RORB: variants seen among roughly 807,000 people sequenced by gnomAD.
RORB encodes nuclear receptor ROR-beta.
RORB carries 6 observed loss-of-function variants against 59.1 expected under a neutral mutation model. The observed-to-expected ratio is 0.10, with a 90% CI of 0.06 to 0.20. The LOEUF (loss-of-function observed/expected upper bound fraction) is 0.20, where lower values mean the gene tolerates loss of function less well. Ranked by LOEUF, RORB falls within the 10% of genes least tolerant of loss-of-function variation. The probability of loss-of-function intolerance (pLI) is 1.00; values close to 1 mark genes in which losing one functional copy is unlikely to be tolerated. For missense variants in RORB, 320 were observed against 560.5 expected (o/e 0.57, Z 4.33); for synonymous variants, 215 against 204.5 (o/e 1.05, Z -0.44).
At chr9:74,662,694 C>T in intron 6 of RORB, 88 bp downstream of exon 6, 1 of 1,374,222 alleles carries the variant, frequency 7.3e-7, no homozygotes, top group Non-Finnish European at 1.0e-6. Context: ...ATCCTCCTTC[C>T]GATATGCAGC....
chr9:74,608,023 C>G lies in RORB; in HGVS notation c.8-22259C>G, dbSNP rs1224360218. Reference sequence around the variant, plus strand: ...TGTTGAATACATGCTGAATGAGAACCAGGAAAGTCTATTTCTCTTCCTGCA... The same window carrying G: ...TGTTGAATACATGCTGAATGAGAACGAGGAAAGTCTATTTCTCTTCCTGCA... On this transcript the variant is annotated intron_variant, in intron 1 of 9. Transcript: ENST00000376896. Among the ~76,000 whole-genome samples the G allele has an allele frequency of 3.3e-5, 5 of 152,102 alleles. No individual in the cohort carries two copies. The East Asian group carries it at 9.6e-4, about 29-fold the overall frequency.
In RORB at chr9:74,622,484, T is replaced by C. The variant is rs1823438086; in HGVS notation, c.8-7798T>C. On this transcript the variant is annotated intron_variant, in intron 1 of 9. Coordinates refer to ENST00000376896, the MANE Select transcript of RORB (RefSeq NM_006914.4). ...TTTTAGAACCTCTGAAATGTTATCG[T>C]GTATATGAATCACAGAGATGCTGTT... is the stretch of plus-strand genomic sequence containing the variant. Among the ~76,000 whole-genome samples, 3 of 151,152 alleles carry C rather than the reference T, an allele frequency of 2.0e-5. No homozygotes were observed. In the South Asian group the frequency reaches 6.3e-4, roughly 32 times the overall value.
At chr9:74,620,091 T>C (rs1473727272) in intron 1 of RORB, among the ~76,000 whole-genome samples, 1 of 152,190 alleles carries the variant, frequency 6.6e-6, no homozygotes, top group Non-Finnish European at 1.5e-5. Context: ...CTTTTTCTAT[T>C]GATTGGAGTA....
rs373678130 is a variant in RORB at position 74,642,556 on chromosome 9, T to C, written c.378T>C (p.Ile126=). The change falls in exon 4 of 10, where the codon ATT becomes ATC. Residue 126 remains isoleucine (I), a synonymous_variant. Coordinates refer to ENST00000376896, the MANE Select transcript of RORB (RefSeq NM_006914.4). ...EALARVYSSS[I]SNGLSNLNNE... ...TTGCCAGGGTGTACAGCAGCAGCAT[T>C]AGCAACGGCCTGAGCAACCTGAACA... The C allele has an allele frequency of 6.2e-7, 1 of 1,614,054 alleles. No individual in the cohort carries two copies. The highest frequency in any genetic ancestry group is 8.5e-7 in the Non-Finnish European group (1 of 1,180,040).
intron 1 of RORB, among the ~76,000 whole-genome samples, chr9:74,622,122 A>G (rs1442882646): frequency 6.6e-6 from 1 of 152,120 alleles, no homozygotes; most frequent in Admixed American, 6.6e-5. Flanking sequence ...GGTCATTCTA[A>G]ATTATCTCTG....
rs145118171 is a variant in RORB at position 74,510,167 on chromosome 9, A to T, written c.7+12184A>T. ...CTGCAGGACTCCAATTGATCGTATTATAGAATGGTCCTGACACCCACAATT... is the reference window on the plus strand; with the variant it reads ...CTGCAGGACTCCAATTGATCGTATTTTAGAATGGTCCTGACACCCACAATT... On this transcript the variant is annotated intron_variant, in intron 1 of 9. Transcript: ENST00000376896. 2.2e-3 allele frequency among the ~76,000 whole-genome samples: 331 copies of T among 152,264 alleles called. 1 individual carries two copies. Among genetic ancestry groups the T allele is most frequent in the African/African-American group, 7.3e-3 (302 of 41,574 alleles).
At chr9:74,681,757 C>T (rs1302184607) in intron 9 of RORB, among the ~76,000 whole-genome samples, 2 of 152,188 alleles carry the variant, frequency 1.3e-5, no homozygotes, top group Non-Finnish European at 1.5e-5. Flanking sequence ...CCCTCTTATA[C>T]ATTTCATGTC....
intron 1 of RORB, among the ~76,000 whole-genome samples, chr9:74,538,999 T>A (rs1826364548): frequency 1.3e-5 from 2 of 152,274 alleles, no homozygotes; most frequent in South Asian, 2.1e-4. Flanking sequence ...TAATGAATTC[T>A]ACACTAATTA....
chr9:74,557,551 G>C (rs956275049), intron 1 of RORB, among the ~76,000 whole-genome samples: 1 of 152,056 alleles, frequency 6.6e-6, no homozygotes, highest in Non-Finnish European at 1.5e-5. Context: ...CTTGTGGTTG[G>C]AACATCCAAC....
chr9:74,540,205 T>C (rs1049471060), intron 1 of RORB, among the ~76,000 whole-genome samples: 1 of 152,180 alleles, frequency 6.6e-6, no homozygotes. Context: ...CAAAAATATA[T>C]ATAACAGAGA....
chr9:74,498,092 G>A (rs1563921286), intron 1 of RORB, 109 bp downstream of exon 1: 4 of 1,288,024 alleles, frequency 3.1e-6, no homozygotes, highest in East Asian at 2.5e-5. Context: ...GGTTGCCCAG[G>A]CGCAGTTCCC....
chr9:74,617,375 A>G (rs1464682811), intron 1 of RORB, among the ~76,000 whole-genome samples: 2 of 152,178 alleles, frequency 1.3e-5, no homozygotes, highest in South Asian at 2.1e-4. Flanking sequence ...ATTTCTCACT[A>G]CTTTTTGTGG....
At chr9:74,513,565 G>T (rs986259970) in intron 1 of RORB, among the ~76,000 whole-genome samples, 28 of 151,906 alleles carry the variant, frequency 1.8e-4, no homozygotes, top group African/African-American at 6.8e-4. Flanking sequence ...AGAAAAAAAT[G>T]GTTAAGTCTA....
intron 1 of RORB, among the ~76,000 whole-genome samples, chr9:74,530,637 A>C (rs955288638): frequency 2.0e-5 from 3 of 152,006 alleles, no homozygotes; most frequent in Non-Finnish European, 4.4e-5. Flanking sequence ...ATGAATTAAG[A>C]ACATTGATCC....
chr9:74,668,853 G>A (rs967702673), intron 8 of RORB, among the ~76,000 whole-genome samples: 1 of 152,240 alleles, frequency 6.6e-6, no homozygotes, highest in East Asian at 1.9e-4. Context: ...TGTTGTAGAA[G>A]GGTCACCTGT....
chr9:74,592,425 G>A lies in RORB; in HGVS notation c.8-37857G>A, dbSNP rs114541246. ...AAGTACTTTGGAATATCGCCATGGCGTGGCTATAGAACTGGATAATAAGAA... is the reference window on the plus strand; with the variant it reads ...AAGTACTTTGGAATATCGCCATGGCATGGCTATAGAACTGGATAATAAGAA... On this transcript the variant is annotated intron_variant, in intron 1 of 9. Coordinates refer to ENST00000376896, the MANE Select transcript of RORB (RefSeq NM_006914.4). Among the ~76,000 whole-genome samples, 993 of 152,306 alleles carry A rather than the reference G, an allele frequency of 6.5e-3. 15 individuals are homozygous for A. The highest frequency in any genetic ancestry group is 0.022 in the African/African-American group (904 of 41,574).
In RORB at chr9:74,586,301, C is replaced by T. The variant is rs115754551; in HGVS notation, c.8-43981C>T. 9.9e-3 allele frequency among the ~76,000 whole-genome samples: 1,507 copies of T among 152,028 alleles called. 20 individuals carry two copies. Among genetic ancestry groups the T allele is most frequent in the African/African-American group, 0.034 (1,392 of 41,456 alleles). ...TCACTTGAGTCCAGGAGTTCAAGACCGGCCTTGGCAACATGGCAAAACCCT... is the reference window on the plus strand; with the variant it reads ...TCACTTGAGTCCAGGAGTTCAAGACTGGCCTTGGCAACATGGCAAAACCCT... On this transcript the variant is annotated intron_variant, in intron 1 of 9. Transcript: ENST00000376896.
At chr9:74,591,490 G>T (rs1282723010) in intron 1 of RORB, among the ~76,000 whole-genome samples, 1 of 152,124 alleles carries the variant, frequency 6.6e-6, no homozygotes, top group Non-Finnish European at 1.5e-5. Context: ...CAGATTTATG[G>T]CAAGTAATCT....
intron 9 of RORB, among the ~76,000 whole-genome samples, chr9:74,675,677 C>G (rs1455145632): frequency 2.6e-5 from 4 of 152,210 alleles, no homozygotes; most frequent in African/African-American, 9.6e-5. Flanking sequence ...GATACTCCAG[C>G]TTCAAAGCTG....
Sources: allele counts gnomAD v4.1 joint callset (sites outside exome capture counted in the v4.1 genomes callset), GRCh38; gene constraint gnomAD v4.1.1; transcripts MANE v1.5; gene names NCBI Gene and HGNC (gene_info 2026-07-23, HGNC 2026-07-21).